The following TNN variants were observed in gnomAD, a reference collection of about 807,000 sequenced individuals.
The protein encoded by TNN is tenascin-N.
TNN carries 122 observed loss-of-function variants against 134.4 expected under a neutral mutation model. That is an observed-to-expected ratio of 0.91 (90% confidence interval 0.78 to 1.06). The LOEUF (loss-of-function observed/expected upper bound fraction) is 1.06, where lower values mean the gene tolerates loss of function less well. Ranked by LOEUF, TNN falls within the 50% of genes least tolerant of loss-of-function variation. The pLI is 0.00. For missense variants in TNN, 1,739 were observed against 1,699.4 expected, an observed-to-expected ratio of 1.02 and a Z score of -0.41; for synonymous variants, 710 against 670.3, an observed-to-expected ratio of 1.06 and a Z score of -0.91.
chr1:175,097,554 G>A lies in TNN; in HGVS notation c.1726G>A (p.Val576Ile), dbSNP rs1674600304. ...TGCTGACGACCAAGAGACCAGAGAGGTTCTGGTGGGGAAGGAGCAGAGCAG... is the reference window on the plus strand; with the variant it reads ...TGCTGACGACCAAGAGACCAGAGAGATTCTGGTGGGGAAGGAGCAGAGCAG... ...TSADDQETRE[V>I]LVGKEQSSTV... is the part of the protein sequence containing the mutation. Residue 576 changes from valine (V) to isoleucine (I), a missense_variant, in exon 8 of 19, where the codon GTT (valine) becomes ATT (isoleucine). Coordinates refer to ENST00000239462, the MANE Select transcript of TNN (RefSeq NM_022093.2). The A allele has an allele frequency of 3.1e-6, 5 of 1,614,114 alleles. No individual in the cohort carries two copies. Among genetic ancestry groups the A allele is most frequent in the African/African-American group, 2.7e-5 (2 of 74,936 alleles).
chr1:175,098,713 C>T, intron 9 of TNN, 118 bp downstream of exon 9: 1 of 1,418,574 alleles, frequency 7.0e-7, no homozygotes, highest in South Asian at 1.3e-5. Context: ...TGGTATCCTC[C>T]CATAATACAT....
At chr1:175,127,763 G>A (rs1043065666) in intron 13 of TNN, among the ~76,000 whole-genome samples, 2 of 152,222 alleles carry the variant, frequency 1.3e-5, no homozygotes, top group South Asian at 4.1e-4. Flanking sequence ...AAGTCTCCCA[G>A]AAACTTGGCC....
At chr1:175,091,007 C>T (rs764365512) in intron 6 of TNN, among the ~76,000 whole-genome samples, 4 of 152,224 alleles carry the variant, frequency 2.6e-5, no homozygotes, top group Non-Finnish European at 5.9e-5. Flanking sequence ...TAGCCAGCTG[C>T]TGCAGCTGCT....
At chr1:175,098,202 G>A in intron 8 of TNN, 130 bp from the exon 9 acceptor site, 1 of 1,322,974 alleles carries the variant, frequency 7.6e-7, no homozygotes, top group Non-Finnish European at 1.1e-6. Flanking sequence ...ACTCCCAGCG[G>A]AGACTCAGGA....
intron 12 of TNN, among the ~76,000 whole-genome samples, 155 bp from the exon 13 acceptor site, chr1:175,126,800 C>T (rs7515770): frequency 0.36 from 54,995 of 151,928 alleles, 10,436 homozygotes; most frequent in Non-Finnish European, 0.42. Flanking sequence ...GTCAGAAAGG[C>T]CCTGTGGCAG....
Position 175,111,174 on chromosome 1 carries a change from T to C in TNN, c.2120-5765T>C, listed in dbSNP as rs1423987383. On this transcript the variant is annotated intron_variant, in intron 9 of 18. Transcript: ENST00000239462. ...CTCTACTATAAATACAAAAATTAGC[T>C]GAATGTGGTGGCAGGTGCCTGTAAT... 2.0e-5 allele frequency among the ~76,000 whole-genome samples: 3 copies of C among 152,016 alleles called. No individual in the cohort carries two copies. The East Asian group carries it at 5.8e-4, about 29-fold the overall frequency.
At chr1:175,070,361 A>G (rs1315177644) in intron 1 of TNN, among the ~76,000 whole-genome samples, 2 of 152,162 alleles carry the variant, frequency 1.3e-5, no homozygotes, top group Non-Finnish European at 2.9e-5. Flanking sequence ...TGAAAAAGTG[A>G]TTGAGTGCTG....
intron 13 of TNN, among the ~76,000 whole-genome samples, chr1:175,127,589 G>A (rs2269653): frequency 0.21 from 32,186 of 152,162 alleles, 3,963 homozygotes; most frequent in East Asian, 0.43. Flanking sequence ...AAGTAAGACT[G>A]GTTCAGAAGG....
At chr1:175,101,995 G>A (rs535585806) in intron 9 of TNN, among the ~76,000 whole-genome samples, 1 of 144,188 alleles carries the variant, frequency 6.9e-6, no homozygotes, top group African/African-American at 2.5e-5. Context: ...GATACAGAGT[G>A]TCGATTGGTG....
chr1:175,123,883 C>T (rs1203903185), intron 12 of TNN, among the ~76,000 whole-genome samples: 1 of 152,170 alleles, frequency 6.6e-6, no homozygotes, highest in African/African-American at 2.4e-5. Flanking sequence ...CAAAGGTGGC[C>T]TCCCTCACCC....
chr1:175,125,610 T>C (rs974909219), intron 12 of TNN, among the ~76,000 whole-genome samples: 1 of 148,920 alleles, frequency 6.7e-6, no homozygotes, highest in Admixed American at 6.7e-5. Flanking sequence ...TTTCTTTCTT[T>C]CTCTCTCTCT....
chr1:175,138,944 G>C (rs1021447028), intron 17 of TNN, among the ~76,000 whole-genome samples: 1 of 152,214 alleles, frequency 6.6e-6, no homozygotes, highest in Non-Finnish European at 1.5e-5. Flanking sequence ...ACCATGGTAA[G>C]TACTTATGGA....
rs1674949554 is a variant in TNN, at chr1:175,109,091, T to TTTC, written c.2120-7846_2120-7845insCTT. 2.1e-5 allele frequency among the ~76,000 whole-genome samples: 2 copies of TTTC among 94,294 alleles called. 1 individual carries two copies. The highest frequency in any genetic ancestry group is 1.8e-4 in the Admixed American group (2 of 11,064). The allele number at this position is 94,294 out of a possible 152,430, so 61.9% of individuals were successfully genotyped here. ...AACTGTATTTTTTTTTTTTTTTTTTTTTTTTTTTGAGACGGAGTCTCGCTC... is the reference window on the plus strand; with the variant it reads ...AACTGTATTTTTTTTTTTTTTTTTTTTTCTTTTTTTTGAGACGGAGTCTCGCTC... On this transcript the variant is annotated intron_variant, in intron 9 of 18. Coordinates refer to ENST00000239462, the MANE Select transcript of TNN (RefSeq NM_022093.2).
At chr1:175,080,752 A>C (rs571184021) in intron 4 of TNN, among the ~76,000 whole-genome samples, 6 of 152,272 alleles carry the variant, frequency 3.9e-5, no homozygotes, top group African/African-American at 1.4e-4. Flanking sequence ...AGCCATTCAG[A>C]AAGTTCAGAT....
intron 15 of TNN, 34 bp downstream of exon 15, chr1:175,128,780 A>G (rs767103028): frequency 6.3e-7 from 1 of 1,577,502 alleles, no homozygotes; most frequent in South Asian, 1.2e-5. Context: ...AGCTCTGTGT[A>G]GGGCCTTCCT....
At chr1:175,093,780 A>C (rs1674504583) in intron 6 of TNN, among the ~76,000 whole-genome samples, 2 of 152,078 alleles carry the variant, frequency 1.3e-5, no homozygotes. Flanking sequence ...GGAAAATGGA[A>C]TGGATTGTGT....
intron 7 of TNN, among the ~76,000 whole-genome samples, 167 bp downstream of exon 7, chr1:175,094,420 T>C (rs954731822): frequency 6.6e-6 from 1 of 152,226 alleles, no homozygotes; most frequent in Non-Finnish European, 1.5e-5. Context: ...TTTTTCCTTT[T>C]TAACATCAAA....
At chr1:175,144,290 C>A in intron 17 of TNN, 97 bp from the exon 18 acceptor site, 2 of 1,204,980 alleles carry the variant, frequency 1.7e-6, no homozygotes, top group Non-Finnish European at 2.4e-6. Flanking sequence ...GCATCTTTGG[C>A]ATTTTCATGC....
At chr1:175,068,966 C>CT (rs1673858506) in intron 1 of TNN, among the ~76,000 whole-genome samples, 1 of 152,072 alleles carries the variant, frequency 6.6e-6, no homozygotes, top group Non-Finnish European at 1.5e-5. Context: ...GGAGGTCTTA[C>CT]TTTTTACTTA....
Sources: allele counts gnomAD v4.1 joint callset (sites outside exome capture counted in the v4.1 genomes callset), GRCh38; gene constraint gnomAD v4.1.1; transcripts MANE v1.5; gene names NCBI Gene and HGNC (gene_info 2026-07-23, HGNC 2026-07-21).